MATN2: variants seen among roughly 807,000 people sequenced by gnomAD.
MATN2 encodes matrilin 2, also known as matrilin-2.
MATN2 carries 69 observed loss-of-function variants against 103.2 expected under a neutral mutation model. The ratio of observed to expected loss-of-function variants is 0.67; its 90% CI spans 0.55 to 0.82. The LOEUF is 0.82. Ranked by LOEUF, MATN2 falls within the 40% of genes least tolerant of loss-of-function variation. MATN2 has a pLI of 0.00. For synonymous variants in MATN2, 429 were observed against 450.2 expected, an observed-to-expected ratio of 0.95 and a Z score of 0.60; for missense variants, 1,023 against 1,211.5, an observed-to-expected ratio of 0.84 and a Z score of 2.31.
intron 1 of MATN2, among the ~76,000 whole-genome samples, chr8:97,873,933 C>A (rs1016633542): frequency 6.6e-6 from 1 of 152,130 alleles, no homozygotes; most frequent in African/African-American, 2.4e-5. Context: ...TGGCCAGTAA[C>A]CCTCAACTTT....
chr8:97,977,971 C>G (rs1378477741), intron 5 of MATN2, among the ~76,000 whole-genome samples: 2 of 152,316 alleles, frequency 1.3e-5, no homozygotes, highest in East Asian at 3.9e-4. Context: ...CACTCCCCCA[C>G]TGACCCTACT....
intron 2 of MATN2, among the ~76,000 whole-genome samples, chr8:97,897,164 A>G (rs1042766097): frequency 1.3e-5 from 2 of 152,250 alleles, no homozygotes; most frequent in Non-Finnish European, 2.9e-5. Context: ...TGTCTGATTC[A>G]GTAGGTCTGG....
At chr8:97,947,335 C>G (rs2130204166) in intron 4 of MATN2, among the ~76,000 whole-genome samples, 1 of 152,342 alleles carries the variant, frequency 6.6e-6, no homozygotes, top group East Asian at 1.9e-4. Context: ...CACCACTGCA[C>G]TCCAGCAACA....
chr8:97,989,614 C>G (rs1812325658), intron 6 of MATN2, among the ~76,000 whole-genome samples: 1 of 152,094 alleles, frequency 6.6e-6, no homozygotes, highest in African/African-American at 2.4e-5. Context: ...TCCACTCACA[C>G]CACTGCTATT....
At chr8:97,956,579 T>C (rs1236290428) in intron 4 of MATN2, among the ~76,000 whole-genome samples, 2 of 152,176 alleles carry the variant, frequency 1.3e-5, no homozygotes, top group Non-Finnish European at 2.9e-5. Context: ...GAGGAGGTGG[T>C]TACTCCCAGG....
chr8:97,961,084 G>C (rs2130256680), intron 4 of MATN2, among the ~76,000 whole-genome samples: 1 of 152,246 alleles, frequency 6.6e-6, no homozygotes, highest in African/African-American at 2.4e-5. Flanking sequence ...CATAGTGCTG[G>C]AATTACAGGC....
chr8:97,926,856 C>T (rs1210453952), intron 2 of MATN2, among the ~76,000 whole-genome samples: 1 of 152,206 alleles, frequency 6.6e-6, no homozygotes, highest in Non-Finnish European at 1.5e-5. Flanking sequence ...TTTAATTCCA[C>T]AGATGTTGAA....
In MATN2 at chr8:97,979,878, A is replaced by C. The variant is rs138829416; in HGVS notation, c.1081+870A>C. On this transcript the variant is annotated intron_variant, in intron 6 of 18. Transcript: ENST00000254898. ...TTCTAAAATGTATTCACTATGTAAAACAGGATACATCTGCACAAAACCTTT... is the reference window on the plus strand; with the variant it reads ...TTCTAAAATGTATTCACTATGTAAACCAGGATACATCTGCACAAAACCTTT... Among the ~76,000 whole-genome samples the C allele has an allele frequency of 1.2e-4, 19 of 152,328 alleles. No homozygotes were observed. In the East Asian group the frequency reaches 3.7e-3, roughly 29 times the overall value.
At position 97,928,685 on chromosome 8, in the gene MATN2, G is replaced by A. The variant is rs562564450; in HGVS notation, c.143-2268G>A. ...CCCTGCCCCTACCCAGCCTGGGGCT[G>A]GACACGAGTGAGGGCTGATGGAGGG... On this transcript the variant is annotated intron_variant, in intron 2 of 18. Coordinates refer to ENST00000254898, the MANE Select transcript of MATN2 (RefSeq NM_002380.5). Among the ~76,000 whole-genome samples the A allele has an allele frequency of 3.9e-5, 6 of 152,260 alleles. No homozygotes were observed. The South Asian group carries it at 6.2e-4, about 16-fold the overall frequency.
At chr8:97,915,691 A>C (rs1327780876) in intron 2 of MATN2, among the ~76,000 whole-genome samples, 1 of 152,234 alleles carries the variant, frequency 6.6e-6, no homozygotes, top group Non-Finnish European at 1.5e-5. Context: ...TCACTTGCTG[A>C]ATTCTCAGAA....
chr8:97,961,582 G>A, intron 5 of MATN2, 52 bp downstream of exon 5: 2 of 1,553,698 alleles, frequency 1.3e-6, no homozygotes, highest in Non-Finnish European at 1.7e-6. Flanking sequence ...TAAGCATGGT[G>A]AGGAGGAGGG....
At chr8:98,018,986 A>G (rs1181051664) in intron 12 of MATN2, among the ~76,000 whole-genome samples, 1 of 151,262 alleles carries the variant, frequency 6.6e-6, no homozygotes, top group Non-Finnish European at 1.5e-5. Flanking sequence ...TCTCCAGAGA[A>G]ACAGACCTTC....
In MATN2 at chr8:98,007,099, A is replaced by G. The variant is rs1459374868; in HGVS notation, c.1328-6A>G. The G allele has an allele frequency of 1.2e-6, 2 of 1,605,704 alleles. No individual in the cohort carries two copies. The highest frequency in any genetic ancestry group is 1.7e-6 in the Non-Finnish European group (2 of 1,175,938). Reference sequence around the variant, plus strand: ...CCTCTATGCTTTCGCGTGTGTGAAAATGCAGGAGTGGACCACTGTGCACAG... The same window carrying G: ...CCTCTATGCTTTCGCGTGTGTGAAAGTGCAGGAGTGGACCACTGTGCACAG... On this transcript the variant is annotated splice_region_variant and splice_polypyrimidine_tract_variant and intron_variant, in intron 8 of 18. Transcript: ENST00000254898. The surrounding 1 kb of genome is among the most constrained non-coding windows in gnomAD (Gnocchi z 4.2).
intron 13 of MATN2, among the ~76,000 whole-genome samples, chr8:98,022,258 G>A (rs1428333916): frequency 2.0e-5 from 3 of 151,904 alleles, no homozygotes; most frequent in Non-Finnish European, 4.4e-5. Context: ...TGTTACCATC[G>A]ATATATTTTG....
chr8:98,001,168 A>G (rs150676401), intron 7 of MATN2, among the ~76,000 whole-genome samples: 67 of 152,326 alleles, frequency 4.4e-4, no homozygotes, highest in African/African-American at 1.5e-3. Context: ...TTCACACAAA[A>G]CCGGAAATCC....
chr8:98,033,273 A>AG (rs1295918037), intron 17 of MATN2, 97 bp downstream of exon 17: 1 of 1,102,924 alleles, frequency 9.1e-7, no homozygotes, highest in Non-Finnish European at 1.3e-6. Flanking sequence ...AGAAGGAAGT[A>AG]GGAAATAGTA....
intron 2 of MATN2, among the ~76,000 whole-genome samples, chr8:97,897,059 T>G (rs1452986184): frequency 6.6e-6 from 1 of 152,180 alleles, no homozygotes; most frequent in Non-Finnish European, 1.5e-5. Context: ...GGCAGTGGGA[T>G]TAGGCAGTGA....
chr8:97,944,468 C>A (rs1233022695), intron 4 of MATN2, among the ~76,000 whole-genome samples: 1 of 152,188 alleles, frequency 6.6e-6, no homozygotes, highest in Non-Finnish European at 1.5e-5. Context: ...AACTCTTTTG[C>A]TTTCCCAAAA....
intron 6 of MATN2, among the ~76,000 whole-genome samples, chr8:97,985,758 G>A (rs12544193): frequency 0.11 from 17,468 of 152,216 alleles, 1,242 homozygotes; most frequent in Non-Finnish European, 0.17. Flanking sequence ...TTTTGAGATG[G>A]GTTTCTCACC....
Sources: allele counts gnomAD v4.1 joint callset (sites outside exome capture counted in the v4.1 genomes callset), GRCh38; gene constraint gnomAD v4.1.1; non-coding constraint Gnocchi (gnomAD v3.1); transcripts MANE v1.5; gene names NCBI Gene and HGNC (gene_info 2026-07-23, HGNC 2026-07-21).